CRPPA: variants seen among roughly 807,000 people sequenced by gnomAD.
CRPPA encodes D-ribitol-5-phosphate cytidylyltransferase.
A neutral mutation model predicts 52.0 loss-of-function variants in CRPPA; 43 were observed. The observed-to-expected ratio is 0.83, with a 90% CI of 0.65 to 1.07. The LOEUF is 1.07. Ranked by LOEUF, CRPPA falls within the 50% of genes least tolerant of loss-of-function variation. The probability of loss-of-function intolerance (pLI) is 0.00; values close to 1 mark genes in which losing one functional copy is unlikely to be tolerated. For missense variants in CRPPA, 629 were observed against 551.7 expected (o/e 1.14, Z -1.40); for synonymous variants, 250 against 203.5 (o/e 1.23, Z -1.94).
chr7:16,376,309 G>C (rs1395432843), intron 2 of CRPPA, 68 bp from the exon 3 acceptor site: 4 of 1,474,656 alleles, frequency 2.7e-6, no homozygotes, highest in Non-Finnish European at 3.7e-6. Context: ...TCTGAATTCA[G>C]TATCTCACTT....
chr7:16,234,697 G>A lies in CRPPA; in HGVS notation c.1120-18500C>T, dbSNP rs528149372. On this transcript the variant is annotated intron_variant, in intron 8 of 9. Transcript: ENST00000407010. ...AGAAGACAGCACTAGAACAGGGTAC[G>A]ATAGGAGACAACATAACTTGGAACA... 5.9e-5 allele frequency among the ~76,000 whole-genome samples: 9 copies of A among 152,174 alleles called. No homozygotes were observed. In the South Asian group the frequency reaches 1.7e-3, roughly 28 times the overall value.
chr7:16,397,414 C>G (rs1583576533), intron 2 of CRPPA, among the ~76,000 whole-genome samples: 2 of 152,308 alleles, frequency 1.3e-5, no homozygotes, highest in South Asian at 2.1e-4. Flanking sequence ...ACGTAATGGA[C>G]ACGTGACTGA....
chr7:16,332,200 T>C (rs1352946756), intron 3 of CRPPA, among the ~76,000 whole-genome samples: 2 of 152,264 alleles, frequency 1.3e-5, no homozygotes, highest in East Asian at 1.9e-4. Flanking sequence ...TAGAATTCTA[T>C]CTTCTGAAAC....
At chr7:16,260,220 C>T (rs1295151) in intron 6 of CRPPA, among the ~76,000 whole-genome samples, 119,972 of 151,968 alleles carry the variant, frequency 0.79, 48,120 homozygotes, top group African/African-American at 0.94. Flanking sequence ...TTCCATACTT[C>T]CTTTGCAAGG....
intron 8 of CRPPA, among the ~76,000 whole-genome samples, chr7:16,242,648 A>G (rs945355311): frequency 1.3e-5 from 2 of 152,222 alleles, no homozygotes; most frequent in African/African-American, 4.8e-5. Flanking sequence ...AGTTTCAAAC[A>G]TAATTCTGAT....
intron 2 of CRPPA, among the ~76,000 whole-genome samples, chr7:16,398,727 CCAA>C (rs1787693469): frequency 6.6e-6 from 1 of 152,188 alleles, no homozygotes; most frequent in Admixed American, 6.5e-5. Flanking sequence ...TGACACGTGA[CCAA>C]CACTTAACCA....
chr7:16,370,390 T>C (rs1390371948), intron 3 of CRPPA, among the ~76,000 whole-genome samples: 1 of 152,166 alleles, frequency 6.6e-6, no homozygotes, highest in African/African-American at 2.4e-5. Flanking sequence ...GTCAGTCCCC[T>C]GCCACCTCCA....
chr7:16,353,516 TTAA>T (rs1375177807), intron 3 of CRPPA, among the ~76,000 whole-genome samples: 1 of 152,030 alleles, frequency 6.6e-6, no homozygotes, highest in Non-Finnish European at 1.5e-5. Flanking sequence ...ATGACGATGG[TTAA>T]TAATACATTG....
chr7:16,142,489 C>T (rs1201895794), intron 9 of CRPPA, among the ~76,000 whole-genome samples: 1 of 152,096 alleles, frequency 6.6e-6, no homozygotes. Flanking sequence ...ATTTGAGTTG[C>T]TTGGTAATTT....
chr7:16,139,109 C>A (rs965620575), intron 9 of CRPPA, among the ~76,000 whole-genome samples: 6 of 151,984 alleles, frequency 3.9e-5, no homozygotes, highest in African/African-American at 1.5e-4. Context: ...GCCAATTTAC[C>A]CCCTTTATGA....
At chr7:16,382,886 C>A (rs1787148768) in intron 2 of CRPPA, among the ~76,000 whole-genome samples, 1 of 152,154 alleles carries the variant, frequency 6.6e-6, no homozygotes, top group South Asian at 2.1e-4. Context: ...TCTAGTTATA[C>A]ATTCGTCTAA....
At chr7:16,309,205 T>C (rs17169417) in intron 3 of CRPPA, among the ~76,000 whole-genome samples, 15,953 of 152,262 alleles carry the variant, frequency 0.1, 937 homozygotes, top group East Asian at 0.25. Context: ...TAAAACATTT[T>C]TTGGCATTTT....
chr7:16,421,014 A>G, intron 1 of CRPPA, 52 bp downstream of exon 1: 1 of 1,256,250 alleles, frequency 8.0e-7, no homozygotes, highest in East Asian at 3.2e-5. Flanking sequence ...CAGGGCGGGG[A>G]GCGGGAGGCC....
rs1164402193 is a variant in CRPPA at position 16,260,710 on chromosome 7, G to T, written c.934-1698C>A. Among the ~76,000 whole-genome samples the T allele has an allele frequency of 6.9e-5, 10 of 145,540 alleles. No individual in the cohort carries two copies. The Admixed American group carries it at 7.4e-4, about 11-fold the overall frequency. On this transcript the variant is annotated intron_variant, in intron 6 of 9. Coordinates refer to ENST00000407010, the MANE Select transcript of CRPPA (RefSeq NM_001101426.4). ...TTAACTTCAACAAAGATGCACAAGT[G>T]AATTCTGAACTCAGAAAAAAAAAAA...
intron 2 of CRPPA, among the ~76,000 whole-genome samples, chr7:16,393,771 T>A (rs1787500389): frequency 6.6e-6 from 1 of 152,168 alleles, no homozygotes; most frequent in Non-Finnish European, 1.5e-5. Flanking sequence ...GTGATTTTTT[T>A]AAGCATTCCG....
intron 5 of CRPPA, among the ~76,000 whole-genome samples, chr7:16,286,093 A>ATTATATATATATAT (rs1554309913): frequency 3.6e-5 from 1 of 27,740 alleles, no homozygotes; most frequent in Non-Finnish European, 6.3e-5. Flanking sequence ...TATTTAAAAA[A>ATTATATATATATAT]AAAAATATAT....
At chr7:16,248,797 T>A (rs1783352403) in intron 8 of CRPPA, among the ~76,000 whole-genome samples, 1 of 152,102 alleles carries the variant, frequency 6.6e-6, no homozygotes, top group Non-Finnish European at 1.5e-5. Flanking sequence ...TCAGGGGATT[T>A]CCCTTTCCTA....
rs557584272 is a variant in CRPPA at position 16,133,311 on chromosome 7, T to C, written c.1252-41512A>G. Among the ~76,000 whole-genome samples, 11 of 119,366 alleles carry C rather than the reference T, an allele frequency of 9.2e-5. 3 individuals carry two copies. The highest frequency in any genetic ancestry group is 1.9e-4 in the Non-Finnish European group (10 of 52,858). The allele number at this position is 119,366 out of a possible 152,430, so 78.3% of individuals were successfully genotyped here. The stretch of plus-strand genomic sequence containing the variant: ...AACCCTGGGTGACAGAGTGAGCATC[T>C]GTCTCAAAAAAAAAAAAGGTAAAAT... On this transcript the variant is annotated intron_variant, in intron 9 of 9. Transcript: ENST00000407010.
chr7:16,298,344 A>C lies in CRPPA; in HGVS notation c.835+3077T>G, dbSNP rs189288675. Among the ~76,000 whole-genome samples the C allele has an allele frequency of 1.3e-4, 20 of 152,330 alleles. No homozygotes were observed. In the East Asian group the frequency reaches 3.9e-3, roughly 29 times the overall value. On this transcript the variant is annotated intron_variant, in intron 5 of 9. Coordinates refer to ENST00000407010, the MANE Select transcript of CRPPA (RefSeq NM_001101426.4). ...ATCTCTATTTAAGGGAGGGAAAAAA[A>C]GGAATAGAAATATAAAAAGATCAAA...
Sources: allele counts gnomAD v4.1 joint callset (sites outside exome capture counted in the v4.1 genomes callset), GRCh38; gene constraint gnomAD v4.1.1; transcripts MANE v1.5; gene names NCBI Gene and HGNC (gene_info 2026-07-23, HGNC 2026-07-21).